LYRM4: variants seen among roughly 807,000 people sequenced by gnomAD.
LYRM4 encodes the protein LYR motif containing 4.
LYRM4 carries 9 observed loss-of-function variants against 11.7 expected under a neutral mutation model. The ratio of observed to expected loss-of-function variants is 0.77; its 90% CI spans 0.46 to 1.34. The LOEUF is 1.34. Among genes scored for constraint, LYRM4 ranks in the 40% most tolerant of loss-of-function variants. LYRM4 has a pLI of 0.00. For missense variants in LYRM4, 133 were observed against 112.5 expected (o/e 1.18, Z -0.82); for synonymous variants, 42 against 40.4 (o/e 1.04, Z -0.15).
intron 1 of LYRM4, among the ~76,000 whole-genome samples, chr6:5,245,120 A>T (rs1764121595): frequency 1.3e-4 from 3 of 23,420 alleles, no homozygotes; most frequent in Non-Finnish European, 2.4e-4. Flanking sequence ...AAAAATATAT[A>T]TATATATATA....
intron 2 of LYRM4, among the ~76,000 whole-genome samples, chr6:5,124,054 G>A (rs1393850506): frequency 2.0e-5 from 3 of 152,098 alleles, no homozygotes; most frequent in South Asian, 2.1e-4. Flanking sequence ...TCCCAGGGCC[G>A]TGGAGAGGGC....
At chr6:5,171,185 T>C (rs537532473) in intron 2 of LYRM4, among the ~76,000 whole-genome samples, 1 of 152,324 alleles carries the variant, frequency 6.6e-6, no homozygotes, top group East Asian at 1.9e-4. Flanking sequence ...ATTATTACAA[T>C]AACCACAGAT....
At position 5,144,624 on chromosome 6, in the gene LYRM4, CAAAAAAAAAA is replaced by C. The variant is rs71540849; in HGVS notation, c.208-35143_208-35134del. On this transcript the variant is annotated intron_variant, in intron 2 of 2. Transcript: ENST00000330636. ...TGGGCGACACAGCGAGACTCCGTCTCAAAAAAAAAAAAAAAAAAAAAAAAAAAAAAAGAAA... is the reference window on the plus strand; with the variant it reads ...TGGGCGACACAGCGAGACTCCGTCTCAAAAAAAAAAAAAAAAAAAAAGAAA... 1.5e-3 allele frequency among the ~76,000 whole-genome samples: 56 copies of C among 37,592 alleles called. No homozygotes were observed. In the East Asian group the frequency reaches 0.058, roughly 39 times the overall value. 24.7% of individuals were successfully genotyped at this position (37,592 alleles called of 152,430 possible).
the LYRM4 span, chr6:5,084,839 G>C: frequency 6.6e-6 from 1 of 152,320 alleles, no homozygotes; most frequent in Non-Finnish European, 1.5e-5. Flanking sequence ...CCCGCTCTCC[G>C]GCGGCGCGGA....
At chr6:5,163,793 TAGTAGAG>T (rs1205328904) in intron 2 of LYRM4, among the ~76,000 whole-genome samples, 2 of 152,058 alleles carry the variant, frequency 1.3e-5, no homozygotes, top group East Asian at 3.9e-4. Flanking sequence ...TTTGTATTTT[TAGTAGAG>T]ACTGGGTTTC....
At chr6:5,189,323 C>G (rs1468252963) in intron 2 of LYRM4, among the ~76,000 whole-genome samples, 1 of 151,372 alleles carries the variant, frequency 6.6e-6, no homozygotes, top group Admixed American at 6.6e-5. Context: ...AAGGTTAGTG[C>G]TTAGCCTAAG....
chr6:5,068,734 G>A, the LYRM4 span, among the ~76,000 whole-genome samples: 1 of 152,070 alleles, frequency 6.6e-6, no homozygotes, highest in African/African-American at 2.4e-5. The surrounding 1 kb of genome is among the most constrained non-coding windows in gnomAD (Gnocchi z 4.0). Flanking sequence ...GCATACATAT[G>A]TAACAAACCT....
the LYRM4 span, among the ~76,000 whole-genome samples, chr6:5,061,738 C>T: frequency 5.9e-5 from 9 of 152,140 alleles, no homozygotes; most frequent in Non-Finnish European, 1.0e-4. Flanking sequence ...CCGCAGCCAC[C>T]CAGAGCTCAC....
intron 2 of LYRM4, among the ~76,000 whole-genome samples, chr6:5,176,625 A>C (rs1414550990): frequency 6.6e-6 from 1 of 152,234 alleles, no homozygotes; most frequent in East Asian, 1.9e-4. Flanking sequence ...AGTGTGGTTT[A>C]GAAATAAGTC....
chr6:5,074,099 C>T, the LYRM4 span, among the ~76,000 whole-genome samples: 1 of 152,208 alleles, frequency 6.6e-6, no homozygotes, highest in Admixed American at 6.5e-5. Flanking sequence ...ACCTGCCCCC[C>T]ATCTGGATCC....
chr6:5,161,794 G>A lies in LYRM4; in HGVS notation c.208-52303C>T, dbSNP rs75217390. 4.7e-4 allele frequency among the ~76,000 whole-genome samples: 71 copies of A among 152,310 alleles called. No homozygotes were observed. In the East Asian group the frequency reaches 0.013, roughly 29 times the overall value. ...AACTCCTGATCAGTGTAGTAGGGCT[G>A]AGGAGAAGGAAAGACGAAGGGACAC... On this transcript the variant is annotated intron_variant, in intron 2 of 2. Coordinates refer to ENST00000330636, the MANE Select transcript of LYRM4 (RefSeq NM_020408.6).
At chr6:5,105,524 A>C (rs933314392), downstream of LYRM4, 2 of 152,380 alleles carry the variant, frequency 1.3e-5, no homozygotes, top group Non-Finnish European at 2.9e-5. Flanking sequence ...TAAAAAATAC[A>C]AACTTCGGTC....
chr6:5,139,941 G>A (rs992671729), intron 2 of LYRM4, among the ~76,000 whole-genome samples: 11 of 149,684 alleles, frequency 7.3e-5, no homozygotes, highest in African/African-American at 2.5e-4. Context: ...AGGCTGAAGC[G>A]ATCCTCCCAC....
chr6:5,135,749 T>A (rs538912809), intron 2 of LYRM4, among the ~76,000 whole-genome samples: 7 of 152,294 alleles, frequency 4.6e-5, no homozygotes, highest in African/African-American at 1.7e-4. Flanking sequence ...TGTGTGTGTG[T>A]TAAATACACA....
At chr6:5,193,220 T>C (rs1760864891) in intron 2 of LYRM4, among the ~76,000 whole-genome samples, 1 of 151,940 alleles carries the variant, frequency 6.6e-6, no homozygotes, top group East Asian at 1.9e-4. Context: ...AGGGCTTTCT[T>C]CTCCTATGAG....
chr6:5,146,005 T>C (rs963350906), intron 2 of LYRM4, among the ~76,000 whole-genome samples: 1 of 152,234 alleles, frequency 6.6e-6, no homozygotes, highest in Non-Finnish European at 1.5e-5. Flanking sequence ...AATTAATTTT[T>C]CTCATGATTG....
chr6:5,162,511 G>GAA (rs370834952), intron 2 of LYRM4, among the ~76,000 whole-genome samples: 1 of 147,630 alleles, frequency 6.8e-6, no homozygotes, highest in South Asian at 2.2e-4. Context: ...GAGAGAGAGA[G>GAA]AGAGAGAGAG....
chr6:5,057,009 A>G, the LYRM4 span, among the ~76,000 whole-genome samples: 3 of 152,174 alleles, frequency 2.0e-5, no homozygotes, highest in East Asian at 5.8e-4. Flanking sequence ...TGTACTCAAG[A>G]GTTGAGAGTT....
chr6:5,123,607 C>G (rs2127605141), intron 2 of LYRM4, among the ~76,000 whole-genome samples: 1 of 152,346 alleles, frequency 6.6e-6, no homozygotes, highest in African/African-American at 2.4e-5. Flanking sequence ...ACGGCCCCTA[C>G]TTAATAAACT....
Sources: gnomAD v4.1 joint callset for allele counts (sites outside exome capture counted in the v4.1 genomes callset) on GRCh38, gnomAD v4.1.1 for gene constraint, Gnocchi (gnomAD v3.1) non-coding constraint, MANE v1.5 for transcripts, NCBI Gene and HGNC (gene_info 2026-07-23, HGNC 2026-07-21) for gene names.